Variants in LDAH observed in about 807,000 individuals in gnomAD.
The protein encoded by LDAH is lipid droplet-associated hydrolase.
LDAH carries 26 observed loss-of-function variants against 29.6 expected under a neutral mutation model. The ratio of observed to expected loss-of-function variants is 0.88; its 90% CI spans 0.64 to 1.22. The LOEUF is 1.22. Ranked by LOEUF, LDAH falls within the 50% of genes most tolerant of loss-of-function variation. The pLI is 0.00. For synonymous variants in LDAH, 117 were observed against 133.0 expected (o/e 0.88, Z 0.83); for missense variants, 344 against 387.3 (o/e 0.89, Z 0.94).
intron 1 of LDAH, among the ~76,000 whole-genome samples, chr2:20,821,883 T>A (rs1006871410): frequency 1.6e-4 from 24 of 152,240 alleles, no homozygotes; most frequent in African/African-American, 5.5e-4. Context: ...TTGCCCTGAT[T>A]ATCCCCCTAG....
At chr2:20,821,973 A>C (rs966912434) in intron 1 of LDAH, among the ~76,000 whole-genome samples, 5 of 152,194 alleles carry the variant, frequency 3.3e-5, no homozygotes, top group African/African-American at 9.6e-5. Context: ...GAAACACACA[A>C]GAGACACTCC....
intron 5 of LDAH, among the ~76,000 whole-genome samples, chr2:20,722,377 C>CAAAAAAAA (rs141440507): frequency 2.8e-5 from 2 of 70,842 alleles, no homozygotes; most frequent in African/African-American, 1.1e-4. Context: ...GAAACTGTCT[C>CAAAAAAAA]AAAAAAAAAA....
At chr2:20,743,148 T>C (rs901140375) in intron 4 of LDAH, among the ~76,000 whole-genome samples, 7 of 152,150 alleles carry the variant, frequency 4.6e-5, no homozygotes, top group African/African-American at 1.4e-4. Context: ...ATTTTCTATT[T>C]TCATCTTCCA....
chr2:20,711,741 G>A (rs373793965), intron 5 of LDAH, among the ~76,000 whole-genome samples: 9 of 152,318 alleles, frequency 5.9e-5, no homozygotes, highest in South Asian at 4.1e-4. Flanking sequence ...TACATCCTGC[G>A]CCTGGCTCAG....
intron 4 of LDAH, among the ~76,000 whole-genome samples, chr2:20,753,810 C>T (rs1668123622): frequency 6.6e-6 from 1 of 152,202 alleles, no homozygotes; most frequent in Non-Finnish European, 1.5e-5. Flanking sequence ...GCCTAATAAA[C>T]ATCTTGCTTA....
intron 4 of LDAH, 43 bp downstream of exon 4, chr2:20,774,767 C>T: frequency 6.3e-7 from 1 of 1,579,298 alleles, no homozygotes; most frequent in South Asian, 1.1e-5. Flanking sequence ...TTTGTGCAGG[C>T]ACACAGTCCA....
chr2:20,733,605 T>A (rs1043727411), intron 5 of LDAH, among the ~76,000 whole-genome samples: 45 of 152,164 alleles, frequency 3.0e-4, no homozygotes, highest in Admixed American at 1.2e-3. Flanking sequence ...GGTTTCATCA[T>A]GTTGCCCAGG....
intron 1 of LDAH, among the ~76,000 whole-genome samples, chr2:20,819,773 G>C (rs918162149): frequency 5.9e-5 from 9 of 152,190 alleles, no homozygotes; most frequent in African/African-American, 2.2e-4. Flanking sequence ...GGGCAATTAG[G>C]CAGCAGAAAG....
At chr2:20,758,912 A>C (rs1188509991) in intron 4 of LDAH, among the ~76,000 whole-genome samples, 1 of 152,182 alleles carries the variant, frequency 6.6e-6, no homozygotes, top group Non-Finnish European at 1.5e-5. Flanking sequence ...CTTAAGGAGA[A>C]CCCTCCTGGT....
intron 3 of LDAH, among the ~76,000 whole-genome samples, chr2:20,787,412 G>C (rs746950392): frequency 1.3e-4 from 20 of 152,058 alleles, no homozygotes; most frequent in Non-Finnish European, 2.5e-4. Flanking sequence ...TCATGTCTTA[G>C]TCTCCCGAGT....
At chr2:20,787,303 T>G (rs1177659336) in intron 3 of LDAH, among the ~76,000 whole-genome samples, 1 of 149,780 alleles carries the variant, frequency 6.7e-6, no homozygotes, top group Non-Finnish European at 1.5e-5. Context: ...CTTTTTTTCT[T>G]TCTTTTTTGA....
At chr2:20,715,635 T>C (rs936347605) in intron 5 of LDAH, among the ~76,000 whole-genome samples, 3 of 152,176 alleles carry the variant, frequency 2.0e-5, no homozygotes, top group Non-Finnish European at 2.9e-5. Flanking sequence ...GAAAACCCCA[T>C]TGTCTCAGCC....
chr2:20,791,698 C>G (rs1423215926), intron 2 of LDAH, among the ~76,000 whole-genome samples: 2 of 152,138 alleles, frequency 1.3e-5, no homozygotes, highest in African/African-American at 2.4e-5. Flanking sequence ...GGGGCTATAA[C>G]ATCTATGGAA....
At chr2:20,796,654 C>T (rs910221667) in intron 2 of LDAH, among the ~76,000 whole-genome samples, 3 of 152,288 alleles carry the variant, frequency 2.0e-5, no homozygotes, top group South Asian at 4.1e-4. Context: ...ATCAGATATG[C>T]GTATCACAGT....
At chr2:20,714,408 A>G (rs950042340) in intron 5 of LDAH, among the ~76,000 whole-genome samples, 1 of 152,248 alleles carries the variant, frequency 6.6e-6, no homozygotes, top group African/African-American at 2.4e-5. Flanking sequence ...TTGTAGCACT[A>G]AATACCCACA....
intron 4 of LDAH, among the ~76,000 whole-genome samples, chr2:20,765,397 G>A (rs1228919803): frequency 1.3e-5 from 2 of 152,102 alleles, no homozygotes; most frequent in East Asian, 3.8e-4. Context: ...TTCACTAAAA[G>A]TCTGTCTTCG....
intron 2 of LDAH, among the ~76,000 whole-genome samples, chr2:20,792,218 CAT>C (rs1671010447): frequency 6.6e-6 from 1 of 152,174 alleles, no homozygotes; most frequent in African/African-American, 2.4e-5. Context: ...CTCATATTCA[CAT>C]GTCTTACGTT....
At chr2:20,683,165 G>C (rs1053764338), downstream of LDAH, among the ~76,000 whole-genome samples, 5 of 152,160 alleles carry the variant, frequency 3.3e-5, no homozygotes, top group African/African-American at 1.2e-4. Context: ...TCTTGCTCTA[G>C]AGATGCCTTC....
intron 5 of LDAH, among the ~76,000 whole-genome samples, chr2:20,731,855 GTT>G (rs1007306542): frequency 7.1e-6 from 1 of 140,448 alleles, no homozygotes. Flanking sequence ...TTTTCTTTTA[GTT>G]TTTTTTTTTT....
Sources: allele counts gnomAD v4.1 joint callset (sites outside exome capture counted in the v4.1 genomes callset), GRCh38; gene constraint gnomAD v4.1.1; transcripts MANE v1.5; gene names NCBI Gene and HGNC (gene_info 2026-07-23, HGNC 2026-07-21).